The following JAKMIP1 variants were observed in gnomAD, a reference collection of about 807,000 sequenced individuals.
JAKMIP1 encodes the protein janus kinase and microtubule-interacting protein 1.
A neutral mutation model predicts 113.0 loss-of-function variants in JAKMIP1; 33 were observed. The observed-to-expected ratio is 0.29, with a 90% confidence interval of 0.22 to 0.39. The LOEUF (loss-of-function observed/expected upper bound fraction) is 0.39, where lower values mean the gene tolerates loss of function less well. JAKMIP1 is among the 10% of genes least tolerant of loss of function. The pLI is 1.00. For missense variants in JAKMIP1, 813 were observed against 1,080.5 expected, an observed-to-expected ratio of 0.75 and a Z score of 3.47; for synonymous variants, 480 against 459.9, an observed-to-expected ratio of 1.04 and a Z score of -0.56.
At chr4:6,099,713 T>C (rs770829418) in intron 3 of JAKMIP1, among the ~76,000 whole-genome samples, 13 of 152,262 alleles carry the variant, frequency 8.5e-5, no homozygotes, top group Non-Finnish European at 1.5e-5. Flanking sequence ...GCATTGTTTC[T>C]CTTCACCTGC....
At position 6,184,147 on chromosome 4, in the gene JAKMIP1, T is replaced by C. The variant is rs1255592401; in HGVS notation, c.-148+16106A>G. Among the ~76,000 whole-genome samples, 3 of 152,150 alleles carry C rather than the reference T, an allele frequency of 2.0e-5. No individual in the cohort carries two copies. Among genetic ancestry groups the C allele is most frequent in the Non-Finnish European group, 4.4e-5 (3 of 68,020 alleles). On this transcript the variant is annotated intron_variant, in intron 1 of 20. Coordinates refer to ENST00000409021, the MANE Select transcript of JAKMIP1 (RefSeq NM_001099433.2). This position sits in a 1 kb window ranked among gnomAD's most constrained non-coding sequence, Gnocchi z 4.5. Reference sequence around the variant, plus strand: ...GCAGGGTGGTTTAGCTATGTAAAAATTTTATTTTTGAAAAGACTTCATTTT... The same window carrying C: ...GCAGGGTGGTTTAGCTATGTAAAAACTTTATTTTTGAAAAGACTTCATTTT...
At position 6,139,450 on chromosome 4, in the gene JAKMIP1, C is replaced by G. The variant is rs1719772821; in HGVS notation, c.-147-26453G>C. ...TGAAGTCAGGAGGGTGGGCCTTAACCAATATGATGGGTGTTCCTACAAAAA... is the reference window on the plus strand; with the variant it reads ...TGAAGTCAGGAGGGTGGGCCTTAACGAATATGATGGGTGTTCCTACAAAAA... On this transcript the variant is annotated intron_variant, in intron 1 of 20. Coordinates refer to ENST00000409021, the MANE Select transcript of JAKMIP1 (RefSeq NM_001099433.2). The surrounding 1 kb of genome is among the most constrained non-coding windows in gnomAD (Gnocchi z 5.2). Among the ~76,000 whole-genome samples, 1 of 152,014 alleles carries G rather than the reference C, an allele frequency of 6.6e-6. No individual in the cohort carries two copies.
At chr4:6,079,406 G>A (rs550755508) in intron 7 of JAKMIP1, among the ~76,000 whole-genome samples, 1 of 152,120 alleles carries the variant, frequency 6.6e-6, no homozygotes, top group African/African-American at 2.4e-5. Context: ...AGTTAAAGAG[G>A]TAGAGGGAGA....
chr4:6,036,613 C>T (rs1448000877), intron 18 of JAKMIP1, among the ~76,000 whole-genome samples: 1 of 151,636 alleles, frequency 6.6e-6, no homozygotes, highest in African/African-American at 2.4e-5. Flanking sequence ...TAACCCCCAA[C>T]AAAAGCAAGC....
rs1720350886 is a variant in JAKMIP1, at chr4:6,142,830, A to G, written c.-147-29833T>C. Among the ~76,000 whole-genome samples, 1 of 152,160 alleles carries G rather than the reference A, an allele frequency of 6.6e-6. No individual in the cohort carries two copies. The highest frequency in any genetic ancestry group is 1.5e-5 in the Non-Finnish European group (1 of 68,028). On this transcript the variant is annotated intron_variant, in intron 1 of 20. Coordinates refer to ENST00000409021, the MANE Select transcript of JAKMIP1 (RefSeq NM_001099433.2). The surrounding 1 kb of genome is among the most constrained non-coding windows in gnomAD (Gnocchi z 5.5). ...AAATGGCATCACAGGATTTTCAACA[A>G]CTTCATTGCTTACAGGTGAGGAAAC... is the stretch of plus-strand genomic sequence containing the variant.
At chr4:6,109,390 C>T (rs890835774) in intron 2 of JAKMIP1, among the ~76,000 whole-genome samples, 5 of 151,806 alleles carry the variant, frequency 3.3e-5, no homozygotes, top group Non-Finnish European at 7.4e-5. Flanking sequence ...GCCTTGGCCT[C>T]CCAAAGTGCT....
intron 2 of JAKMIP1, among the ~76,000 whole-genome samples, chr4:6,111,947 A>G (rs1022452719): frequency 1.3e-5 from 2 of 152,234 alleles, no homozygotes; most frequent in African/African-American, 2.4e-5. Context: ...CCTCCTGACC[A>G]TCTGAACGGA....
chr4:6,096,657 A>T (rs9291111), intron 3 of JAKMIP1, among the ~76,000 whole-genome samples: 75,725 of 152,088 alleles, frequency 0.5, 19,216 homozygotes, highest in East Asian at 0.72. Context: ...AAATTCCCAC[A>T]TAACTTTTAC....
At chr4:6,038,636 G>A (rs955734222) in intron 18 of JAKMIP1, among the ~76,000 whole-genome samples, 1 of 152,216 alleles carries the variant, frequency 6.6e-6, no homozygotes, top group Non-Finnish European at 1.5e-5. Context: ...GGCCCATCAG[G>A]CCAGACTGAT....
rs1304750545 is a variant in JAKMIP1 at position 6,044,921 on chromosome 4, A to C, written c.2029-2694T>G. ...GCGTTCATGGTTCTGCTCCAACCCC[A>C]GGAGAGGGGGTCTCAGGCTGGGGAG... On this transcript the variant is annotated intron_variant, in intron 16 of 20. Coordinates refer to ENST00000409021, the MANE Select transcript of JAKMIP1 (RefSeq NM_001099433.2). This position sits in a 1 kb window ranked among gnomAD's most constrained non-coding sequence, Gnocchi z 4.4. 6.6e-6 allele frequency among the ~76,000 whole-genome samples: 1 copy of C among 152,244 alleles called. No individual in the cohort carries two copies. Among genetic ancestry groups the C allele is most frequent in the African/African-American group, 2.4e-5 (1 of 41,472 alleles).
At chr4:6,082,546 C>G (rs534642558) in intron 5 of JAKMIP1, among the ~76,000 whole-genome samples, 2 of 152,070 alleles carry the variant, frequency 1.3e-5, no homozygotes, top group South Asian at 4.2e-4. Context: ...CTTCGTCACC[C>G]AGGCTTGAGT....
intron 1 of JAKMIP1, among the ~76,000 whole-genome samples, chr4:6,147,050 C>G (rs1192537440): frequency 6.6e-6 from 1 of 152,122 alleles, no homozygotes; most frequent in Non-Finnish European, 1.5e-5. Context: ...CCTCTGCCTC[C>G]TGGGTTCAAG....
At chr4:6,062,701 G>C (rs570407093) in intron 9 of JAKMIP1, among the ~76,000 whole-genome samples, 1 of 152,164 alleles carries the variant, frequency 6.6e-6, no homozygotes, top group South Asian at 2.1e-4. Context: ...ACTCCTCCCA[G>C]GAGCTCCCAC....
rs565219607 is a variant in JAKMIP1 at position 6,037,313 on chromosome 4, C to T, written c.2176-1206G>A. 5.7e-5 allele frequency among the ~76,000 whole-genome samples: 7 copies of T among 122,220 alleles called. No individual in the cohort carries two copies. The South Asian group carries it at 1.3e-3, about 22-fold the overall frequency. 80.2% of individuals were successfully genotyped at this position (122,220 alleles called of 152,430 possible). ...CCTCCAACACCAAGGCAGAGGCTAA[C>T]CAGTATCCCTCCATCACCGAGGCAG... is the stretch of plus-strand genomic sequence containing the variant. On this transcript the variant is annotated intron_variant, in intron 18 of 20. Transcript: ENST00000409021.
chr4:6,147,201 A>G (rs1339788981), intron 1 of JAKMIP1, among the ~76,000 whole-genome samples: 2 of 152,000 alleles, frequency 1.3e-5, no homozygotes, highest in East Asian at 3.9e-4. Flanking sequence ...ACCTCAAGTG[A>G]TCCACCTGCC....
At chr4:6,130,182 A>G (rs1718296640) in intron 1 of JAKMIP1, among the ~76,000 whole-genome samples, 2 of 152,228 alleles carry the variant, frequency 1.3e-5, no homozygotes, top group East Asian at 1.9e-4. Flanking sequence ...GGGACTCTAT[A>G]TAAGAGGAAG....
At chr4:6,063,646 G>T (rs1717635563) in intron 9 of JAKMIP1, among the ~76,000 whole-genome samples, 1 of 152,214 alleles carries the variant, frequency 6.6e-6, no homozygotes, top group Admixed American at 6.5e-5. Flanking sequence ...AGATGGAAGA[G>T]CAAAGAGAGG....
intron 1 of JAKMIP1, among the ~76,000 whole-genome samples, chr4:6,170,532 C>T (rs1158087742): frequency 8.9e-6 from 1 of 112,768 alleles, no homozygotes; most frequent in Non-Finnish European, 1.9e-5. Flanking sequence ...CCATTATCAC[C>T]ACCACCACCA....
intron 1 of JAKMIP1, among the ~76,000 whole-genome samples, chr4:6,196,304 C>G (rs539879237): frequency 1.1e-4 from 16 of 152,352 alleles, no homozygotes; most frequent in African/African-American, 3.6e-4. Flanking sequence ...GGCTTCCTAA[C>G]CCAGCCCTTC....
Sources: gnomAD v4.1 joint callset for allele counts (sites outside exome capture counted in the v4.1 genomes callset) on GRCh38, gnomAD v4.1.1 for gene constraint, Gnocchi (gnomAD v3.1) non-coding constraint, MANE v1.5 for transcripts, NCBI Gene and HGNC (gene_info 2026-07-23, HGNC 2026-07-21) for gene names.